The following RAPGEF2 variants were observed in gnomAD, a reference collection of about 807,000 sequenced individuals.
RAPGEF2 encodes PDZ domain containing guanine nucleotide exchange factor (GEF) 1.
RAPGEF2 carries 54 observed loss-of-function variants against 186.7 expected under a neutral mutation model. That is an observed-to-expected ratio of 0.29 (90% CI 0.23 to 0.36). The LOEUF is 0.36. Among genes scored for constraint, RAPGEF2 ranks in the 10% least tolerant of loss-of-function variants. The pLI is 1.00. For synonymous variants in RAPGEF2, 712 were observed against 705.9 expected (o/e 1.01, Z -0.14); for missense variants, 1,532 against 2,045.0 (o/e 0.75, Z 4.84).
chr4:159,226,910 T>A (rs1579519066), intron 4 of RAPGEF2, among the ~76,000 whole-genome samples: 3 of 152,326 alleles, frequency 2.0e-5, no homozygotes, highest in East Asian at 3.9e-4. Context: ...AATTGCCATT[T>A]TATTACTTGA....
intron 4 of RAPGEF2, among the ~76,000 whole-genome samples, chr4:159,211,911 G>A (rs758190206): frequency 6.6e-6 from 1 of 152,150 alleles, no homozygotes; most frequent in Non-Finnish European, 1.5e-5. Context: ...GGTGGTAGTA[G>A]TAGTAGTAAA....
At chr4:159,105,104 T>C (rs1400594557) in intron 1 of RAPGEF2, among the ~76,000 whole-genome samples, 2 of 152,168 alleles carry the variant, frequency 1.3e-5, no homozygotes, top group African/African-American at 4.8e-5. Context: ...TTGTCTCAAG[T>C]TTTACTGGAG....
At chr4:159,248,000 G>T (rs116605664) in intron 7 of RAPGEF2, among the ~76,000 whole-genome samples, 2,950 of 152,040 alleles carry the variant, frequency 0.019, 42 homozygotes, top group Middle Eastern at 0.048. Context: ...AACCTCAATT[G>T]ATCCACCCGC....
rs1341490044 is a variant in RAPGEF2, at chr4:159,356,046, T to C, written c.4845T>C (p.His1615=). Residue 1615 remains histidine (H), a synonymous_variant, in exon 29 of 30, where the codon CAT becomes CAC. Coordinates refer to ENST00000691494, the MANE Select transcript of RAPGEF2 (RefSeq NM_001394067.2). ...TAGPSSVQQP[H]GHPTSSRPVN... ...GGCCTTCATCCGTACAGCAGCCACA[T>C]GGGCATCCCACCAGCAGCAGGCCTG... 10 of 1,614,132 alleles carry C rather than the reference T, an allele frequency of 6.2e-6. No individual in the cohort carries two copies. The highest frequency in any genetic ancestry group is 1.7e-4 in the Middle Eastern group (1 of 6,056).
At chr4:159,127,622 C>T (rs1250257224) in intron 1 of RAPGEF2, among the ~76,000 whole-genome samples, 1 of 152,116 alleles carries the variant, frequency 6.6e-6, no homozygotes, top group Non-Finnish European at 1.5e-5. Flanking sequence ...TGCAGAATTC[C>T]TCAAAGGTTA....
At chr4:159,252,417 A>ACTT (rs1755571297) in intron 7 of RAPGEF2, among the ~76,000 whole-genome samples, 1 of 152,192 alleles carries the variant, frequency 6.6e-6, no homozygotes, top group Non-Finnish European at 1.5e-5. Context: ...AACACTTAAG[A>ACTT]AAGTTTTTAG....
At chr4:159,110,093 G>C (rs1253885642) in intron 1 of RAPGEF2, among the ~76,000 whole-genome samples, 1 of 152,216 alleles carries the variant, frequency 6.6e-6, no homozygotes, top group Non-Finnish European at 1.5e-5. Context: ...TAGTAAAACT[G>C]TGTTTGAATC....
chr4:159,104,547 A>AGT (rs1450921426), intron 1 of RAPGEF2, among the ~76,000 whole-genome samples: 10 of 132,130 alleles, frequency 7.6e-5, no homozygotes, highest in South Asian at 2.4e-4. Context: ...AGAGAGAGAG[A>AGT]GAGAGAGTGT....
intron 7 of RAPGEF2, among the ~76,000 whole-genome samples, chr4:159,269,777 G>T (rs1377979700): frequency 6.6e-6 from 1 of 152,182 alleles, no homozygotes; most frequent in African/African-American, 2.4e-5. Context: ...TTGAGAGGCA[G>T]AGGTGGAAGG....
intron 3 of RAPGEF2, among the ~76,000 whole-genome samples, chr4:159,201,657 G>A (rs1009763511): frequency 1.3e-5 from 2 of 152,222 alleles, no homozygotes; most frequent in South Asian, 2.1e-4. Context: ...AAAGGGTTTC[G>A]ATAGAGACTT....
chr4:159,135,288 C>T (rs913758057), intron 1 of RAPGEF2, among the ~76,000 whole-genome samples: 4 of 152,142 alleles, frequency 2.6e-5, no homozygotes, highest in Admixed American at 1.3e-4. Context: ...TCAAGCAGTC[C>T]GCCCACCTCA....
intron 1 of RAPGEF2, among the ~76,000 whole-genome samples, chr4:159,181,102 C>G (rs1746964487): frequency 6.6e-6 from 1 of 152,214 alleles, no homozygotes; most frequent in Non-Finnish European, 1.5e-5. Flanking sequence ...CCTTATACAA[C>G]TGTGAAACAC....
chr4:159,152,020 T>C (rs1743597615), intron 1 of RAPGEF2, among the ~76,000 whole-genome samples: 1 of 152,174 alleles, frequency 6.6e-6, no homozygotes, highest in South Asian at 2.1e-4. Flanking sequence ...TAAGGTTTTG[T>C]ACTATTTAAA....
intron 11 of RAPGEF2, chr4:159,328,205 A>G (rs1766199625): frequency 6.6e-6 from 1 of 152,174 alleles, no homozygotes. Context: ...CTGTGTACAA[A>G]GAAATAAAAT....
At chr4:159,240,953 C>T (rs1753916405) in intron 5 of RAPGEF2, 1 of 385,580 alleles carries the variant, frequency 2.6e-6, no homozygotes. Flanking sequence ...TTTGAAACTA[C>T]AGGAAATTCA....
At position 159,198,335 on chromosome 4, in the gene RAPGEF2, T is replaced by TCTTTCTTTCTTTC. The variant is rs1749018419; in HGVS notation, c.197+5079_197+5080insCTTTCTTTCTTTC. ...CTTTCTTTCTTTCTTTCTTTCTTTC[T>TCTTTCTTTCTTTC]TTTTCTTTCTCTCTCTTTCCTTCCT... is the stretch of plus-strand genomic sequence containing the variant. On this transcript the variant is annotated intron_variant, in intron 3 of 29. Transcript: ENST00000691494. Among the ~76,000 whole-genome samples the TCTTTCTTTCTTTC allele has an allele frequency of 2.5e-4, 11 of 43,618 alleles. 1 individual carries two copies. Among genetic ancestry groups the TCTTTCTTTCTTTC allele is most frequent in the African/African-American group, 2.0e-3 (11 of 5,492 alleles). 28.6% of individuals were successfully genotyped at this position (43,618 alleles called of 152,430 possible).
At chr4:159,298,583 G>A (rs1258198224) in intron 7 of RAPGEF2, among the ~76,000 whole-genome samples, 1 of 152,146 alleles carries the variant, frequency 6.6e-6, no homozygotes, top group Non-Finnish European at 1.5e-5. Flanking sequence ...ATGATTAATA[G>A]CAGAAAGGAA....
intron 7 of RAPGEF2, among the ~76,000 whole-genome samples, chr4:159,250,126 T>C (rs1015553514): frequency 1.1e-3 from 167 of 152,212 alleles, no homozygotes; most frequent in African/African-American, 3.9e-3. Context: ...CAGTTTCTTA[T>C]GGACTCAGTA....
intron 7 of RAPGEF2, among the ~76,000 whole-genome samples, chr4:159,264,264 G>T (rs1757196018): frequency 6.6e-6 from 1 of 152,176 alleles, no homozygotes; most frequent in Middle Eastern, 3.2e-3. Flanking sequence ...ATGGAGCCAG[G>T]CTGAGAGAGA....
Sources: allele counts gnomAD v4.1 joint callset (sites outside exome capture counted in the v4.1 genomes callset), GRCh38; gene constraint gnomAD v4.1.1; transcripts MANE v1.5; gene names NCBI Gene and HGNC (gene_info 2026-07-23, HGNC 2026-07-21).